Variants in GPC5 observed in about 807,000 individuals in gnomAD.
GPC5 encodes glypican 5.
Under a neutral mutation model 53.9 loss-of-function variants are expected in GPC5, and 47 were observed. The observed-to-expected ratio is 0.87, with a 90% CI of 0.69 to 1.11. GPC5 has a LOEUF of 1.11. Among genes scored for constraint, GPC5 ranks in the 50% most tolerant of loss-of-function variants. The pLI is 0.00. For missense variants in GPC5, 748 were observed against 713.1 expected, an observed-to-expected ratio of 1.05 and a Z score of -0.56; for synonymous variants, 286 against 263.3, an observed-to-expected ratio of 1.09 and a Z score of -0.84.
intron 2 of GPC5, among the ~76,000 whole-genome samples, chr13:91,688,466 T>C (rs2035670044): frequency 6.6e-6 from 1 of 152,166 alleles, no homozygotes; most frequent in Non-Finnish European, 1.5e-5. Context: ...ACTGGAATAT[T>C]TCAATATCAG....
intron 7 of GPC5, among the ~76,000 whole-genome samples, chr13:92,780,863 T>C (rs1040202605): frequency 6.6e-6 from 1 of 152,082 alleles, no homozygotes; most frequent in Non-Finnish European, 1.5e-5. Flanking sequence ...AATTTTTTAA[T>C]TGGAAGCATA....
chr13:91,605,347 G>A (rs1422772234), intron 2 of GPC5, among the ~76,000 whole-genome samples: 22 of 143,408 alleles, frequency 1.5e-4, no homozygotes, highest in Non-Finnish European at 2.6e-4. Context: ...TGCTGTTTTG[G>A]TTACTGTAGC....
At chr13:92,613,011 A>G (rs1884490536) in intron 7 of GPC5, among the ~76,000 whole-genome samples, 1 of 151,642 alleles carries the variant, frequency 6.6e-6, no homozygotes. Flanking sequence ...TGAAGAAACT[A>G]CAGTGCAAAG....
intron 2 of GPC5, among the ~76,000 whole-genome samples, chr13:91,516,291 C>T (rs1013104260): frequency 7.2e-5 from 11 of 152,138 alleles, no homozygotes; most frequent in African/African-American, 1.4e-4. Context: ...CTAGCTAGTA[C>T]CTGGATACAA....
intron 6 of GPC5, among the ~76,000 whole-genome samples, chr13:91,964,701 C>T (rs897407127): frequency 2.0e-5 from 3 of 152,096 alleles, no homozygotes; most frequent in Non-Finnish European, 2.9e-5. Flanking sequence ...CCAGCTTCAC[C>T]TCTCAATTTG....
intron 7 of GPC5, among the ~76,000 whole-genome samples, chr13:92,291,962 G>C (rs754324136): frequency 1.3e-5 from 2 of 152,076 alleles, no homozygotes; most frequent in Admixed American, 1.3e-4. Context: ...CTCCGGACAC[G>C]CTGCCTTTAA....
At chr13:92,748,264 G>T (rs907924166) in intron 7 of GPC5, among the ~76,000 whole-genome samples, 1 of 150,652 alleles carries the variant, frequency 6.6e-6, no homozygotes, top group African/African-American at 2.4e-5. Flanking sequence ...GTAAGACAAA[G>T]ATTATTTTGG....
At chr13:92,505,623 A>C (rs1224679434) in intron 7 of GPC5, among the ~76,000 whole-genome samples, 2 of 152,072 alleles carry the variant, frequency 1.3e-5, no homozygotes, top group Non-Finnish European at 2.9e-5. Flanking sequence ...TTACCCCAGA[A>C]AAATAACTTA....
chr13:91,903,475 T>C (rs2039520235), intron 5 of GPC5, among the ~76,000 whole-genome samples: 1 of 152,120 alleles, frequency 6.6e-6, no homozygotes, highest in South Asian at 2.1e-4. Context: ...CCATCCACAG[T>C]GGGAGAGAGT....
At chr13:91,470,274 A>G (rs948579146) in intron 2 of GPC5, among the ~76,000 whole-genome samples, 6 of 152,164 alleles carry the variant, frequency 3.9e-5, no homozygotes, top group African/African-American at 1.4e-4. Context: ...TCCTTCAGAC[A>G]GCTCTCTACA....
intron 7 of GPC5, among the ~76,000 whole-genome samples, chr13:92,261,456 T>C (rs2042766495): frequency 6.6e-6 from 1 of 152,118 alleles, no homozygotes; most frequent in Admixed American, 6.5e-5. Context: ...TGGTAGCTCT[T>C]GGTGTAGTGA....
At chr13:91,822,078 C>T (rs930011839) in intron 5 of GPC5, among the ~76,000 whole-genome samples, 3 of 152,172 alleles carry the variant, frequency 2.0e-5, no homozygotes, top group African/African-American at 7.2e-5. Flanking sequence ...TCAAGTGCAA[C>T]AGAATTGGTA....
At chr13:92,359,493 A>G (rs1926653) in intron 7 of GPC5, among the ~76,000 whole-genome samples, 45,674 of 151,400 alleles carry the variant, frequency 0.3, 7,526 homozygotes, top group South Asian at 0.41. Context: ...ACATTTTCAG[A>G]TGTCTTTATA....
chr13:92,224,782 T>C (rs905664632), intron 7 of GPC5, among the ~76,000 whole-genome samples: 3 of 152,206 alleles, frequency 2.0e-5, no homozygotes, highest in African/African-American at 7.2e-5. Context: ...CTGGAGGAAT[T>C]AGCACATCCT....
Position 91,863,566 on chromosome 13 carries a change from C to G in GPC5, c.1281-44371C>G, listed in dbSNP as rs149935848. 4.0e-3 allele frequency among the ~76,000 whole-genome samples: 610 copies of G among 152,202 alleles called. 8 individuals carry two copies. The highest frequency in any genetic ancestry group is 0.014 in the African/African-American group (583 of 41,530). ...TGTCTCTCTCTCACTCTCTTTCTCTCTCTATATATATTTTTTCCTATAGGG... is the reference window on the plus strand; with the variant it reads ...TGTCTCTCTCTCACTCTCTTTCTCTGTCTATATATATTTTTTCCTATAGGG... On this transcript the variant is annotated intron_variant, in intron 5 of 7. Transcript: ENST00000377067.
At chr13:91,837,232 T>A (rs2038731497) in intron 5 of GPC5, among the ~76,000 whole-genome samples, 1 of 152,128 alleles carries the variant, frequency 6.6e-6, no homozygotes, top group African/African-American at 2.4e-5. Flanking sequence ...TTTCTTTTAT[T>A]AAAAATTTTT....
At chr13:92,206,166 TA>T (rs146566049) in intron 7 of GPC5, among the ~76,000 whole-genome samples, 92,140 of 131,040 alleles carry the variant, frequency 0.7, 32,110 homozygotes, top group Middle Eastern at 0.78. Context: ...TTTTTTTTTT[TA>T]TTTTTTTTTT....
At chr13:92,653,565 G>A (rs1469046577) in intron 7 of GPC5, among the ~76,000 whole-genome samples, 4 of 152,178 alleles carry the variant, frequency 2.6e-5, no homozygotes, top group Admixed American at 6.5e-5. Context: ...GATAATTAAA[G>A]AGAATGTAAC....
intron 7 of GPC5, chr13:92,448,738 A>G (rs1476687742): frequency 6.6e-6 from 1 of 151,690 alleles, no homozygotes; most frequent in Non-Finnish European, 1.5e-5. Flanking sequence ...ACTTTGGTAT[A>G]AGAATTGCTC....
Sources: gnomAD v4.1 joint callset for allele counts (sites outside exome capture counted in the v4.1 genomes callset) on GRCh38, gnomAD v4.1.1 for gene constraint, MANE v1.5 for transcripts, NCBI Gene and HGNC (gene_info 2026-07-23, HGNC 2026-07-21) for gene names.